Variants in WDR27 observed in about 807,000 individuals in gnomAD.
The protein encoded by WDR27 is WD repeat-containing protein 27.
WDR27 carries 100 observed loss-of-function variants against 114.4 expected under a neutral mutation model. That is an observed-to-expected ratio of 0.87 (90% CI 0.74 to 1.03). The LOEUF (loss-of-function observed/expected upper bound fraction) is 1.03, where lower values mean the gene tolerates loss of function less well. Ranked by LOEUF, WDR27 falls within the 50% of genes least tolerant of loss-of-function variation. The pLI is 0.00. For missense variants in WDR27, 1,129 were observed against 1,092.9 expected (o/e 1.03, Z -0.47); for synonymous variants, 449 against 423.1 (o/e 1.06, Z -0.75).
intron 25 of WDR27, among the ~76,000 whole-genome samples, chr6:169,487,311 C>T (rs1303428187): frequency 6.6e-6 from 1 of 152,210 alleles, no homozygotes; most frequent in Non-Finnish European, 1.5e-5. Context: ...GTCTCCTCCA[C>T]TTTGATCTGA....
chr6:169,560,155 C>T (rs576361575), intron 25 of WDR27, among the ~76,000 whole-genome samples: 4 of 152,132 alleles, frequency 2.6e-5, no homozygotes, highest in Non-Finnish European at 2.9e-5. Context: ...AACTGAATCA[C>T]GGGAGCCTGT....
the WDR27 span, among the ~76,000 whole-genome samples, chr6:169,442,697 T>A: frequency 6.6e-6 from 1 of 152,106 alleles, no homozygotes; most frequent in Non-Finnish European, 1.5e-5. Flanking sequence ...AGTGGGCACA[T>A]AACCGAGTGG....
chr6:169,580,056 C>A, intron 24 of WDR27, among the ~76,000 whole-genome samples: 1 of 152,354 alleles, frequency 6.6e-6, no homozygotes, highest in African/African-American at 2.4e-5. Flanking sequence ...AGCATTCTCT[C>A]ATTACCAGAT....
At chr6:169,599,701 C>T (rs190833363) in intron 23 of WDR27, among the ~76,000 whole-genome samples, 18 of 152,176 alleles carry the variant, frequency 1.2e-4, no homozygotes, top group Admixed American at 8.5e-4. Flanking sequence ...TTGATCTTTT[C>T]AAAAAACCGG....
chr6:169,694,347 G>A lies in WDR27; in HGVS notation c.-7-5335C>T, dbSNP rs368074234. The stretch of plus-strand genomic sequence containing the variant: ...ATAAATAAATAAGTCATCAACGCAC[G>A]CACACAGAAACATTTCCACATACAC... On this transcript the variant is annotated intron_variant, in intron 1 of 25. Transcript: ENST00000448612. 2.4e-4 allele frequency among the ~76,000 whole-genome samples: 36 copies of A among 152,140 alleles called. No homozygotes were observed. In the South Asian group the frequency reaches 4.0e-3, roughly 17 times the overall value.
At chr6:169,568,760 TG>T (rs1447150946) in intron 25 of WDR27, among the ~76,000 whole-genome samples, 2 of 152,228 alleles carry the variant, frequency 1.3e-5, no homozygotes, top group Non-Finnish European at 2.9e-5. Flanking sequence ...ATGCAACACC[TG>T]ATAGAGGCTC....
At position 169,568,708 on chromosome 6, in the gene WDR27, C is replaced by T. The variant is rs377717940; in HGVS notation, c.2645+3711G>A. Among the ~76,000 whole-genome samples the T allele has an allele frequency of 1.4e-4, 21 of 152,326 alleles. No individual in the cohort carries two copies. In the South Asian group the frequency reaches 1.9e-3, roughly 14 times the overall value. ...CATATTCTTGAAGGACAGATGGAAA[C>T]GGATGGATTGATGACCTCACAGTCT... On this transcript the variant is annotated intron_variant, in intron 25 of 25. Coordinates refer to ENST00000448612, the MANE Select transcript of WDR27 (RefSeq NM_182552.5).
chr6:169,551,872 T>C (rs1798185772), intron 25 of WDR27, among the ~76,000 whole-genome samples: 1 of 152,218 alleles, frequency 6.6e-6, no homozygotes, highest in Non-Finnish European at 1.5e-5. Context: ...GCTGCTATTC[T>C]GAACGCAGTC....
In WDR27 at chr6:169,545,832, A is replaced by G. The variant is rs1020968741; in HGVS notation, c.2645+26587T>C. On this transcript the variant is annotated intron_variant, in intron 25 of 25. Coordinates refer to ENST00000448612, the MANE Select transcript of WDR27 (RefSeq NM_182552.5). ...ATACTTTCTATATATGCACACATAC[A>G]TATAAATTTTATGATACATAGTAAT... Among the ~76,000 whole-genome samples, 13 of 152,362 alleles carry G rather than the reference A, an allele frequency of 8.5e-5. No homozygotes were observed. The East Asian group carries it at 2.3e-3, about 27-fold the overall frequency.
chr6:169,452,508 A>G (rs189043192), downstream of WDR27, among the ~76,000 whole-genome samples: 21 of 10,730 alleles, frequency 2.0e-3, no homozygotes, highest in Admixed American at 4.5e-3. Context: ...GTCAGAGAGG[A>G]GCCGTGCGTG....
chr6:169,487,512 C>T (rs886108336), intron 25 of WDR27, among the ~76,000 whole-genome samples: 1 of 152,190 alleles, frequency 6.6e-6, no homozygotes, highest in East Asian at 1.9e-4. Flanking sequence ...ATTACAGAGT[C>T]GAGGCGCTTG....
rs753772610 is a variant in WDR27 at position 169,613,532 on chromosome 6, G to A, written c.2321+27C>T. On this transcript the variant is annotated intron_variant, in intron 22 of 25. Transcript: ENST00000448612. ...TATATCTCTTGAGCTCCCCACCCCT[G>A]CAGTGCAGGGCGCAGGACAGCCTTA... The A allele has an allele frequency of 2.5e-6, 4 of 1,580,628 alleles. No individual in the cohort carries two copies. In the East Asian group the frequency reaches 9.0e-5, roughly 35 times the overall value.
intron 1 of WDR27, among the ~76,000 whole-genome samples, chr6:169,690,023 A>C (rs937126933): frequency 6.6e-6 from 1 of 152,064 alleles, no homozygotes; most frequent in African/African-American, 2.4e-5. Context: ...GTGAATTCAG[A>C]GGATCCACCC....
chr6:169,471,597 G>C (rs1451055209), intron 25 of WDR27, among the ~76,000 whole-genome samples: 1 of 152,120 alleles, frequency 6.6e-6, no homozygotes, highest in African/African-American at 2.4e-5. Flanking sequence ...CCATAGAAAA[G>C]AACCACAGTG....
intron 1 of WDR27, among the ~76,000 whole-genome samples, chr6:169,695,417 A>T (rs1785642138): frequency 6.6e-6 from 1 of 152,206 alleles, no homozygotes; most frequent in Non-Finnish European, 1.5e-5. Flanking sequence ...AAATGCTGAA[A>T]CATCAACTGT....
intron 24 of WDR27, among the ~76,000 whole-genome samples, chr6:169,579,453 G>A (rs1290910287): frequency 2.6e-5 from 4 of 152,190 alleles, no homozygotes; most frequent in Admixed American, 2.0e-4. Flanking sequence ...AGCAAGGCTT[G>A]TTTCCAGAGC....
intron 21 of WDR27, among the ~76,000 whole-genome samples, chr6:169,619,366 C>T (rs774537865): frequency 1.3e-5 from 2 of 152,130 alleles, no homozygotes; most frequent in African/African-American, 2.4e-5. Flanking sequence ...ATATCCTATG[C>T]GCCTCTTGTC....
intron 1 of WDR27, among the ~76,000 whole-genome samples, chr6:169,690,856 G>T (rs1268550580): frequency 3.3e-5 from 5 of 152,134 alleles, no homozygotes; most frequent in African/African-American, 1.2e-4. Context: ...TGTGCAGGGG[G>T]GAGCAGAATT....
At chr6:169,432,397 G>A in the WDR27 span, among the ~76,000 whole-genome samples, 5 of 152,126 alleles carry the variant, frequency 3.3e-5, no homozygotes, top group African/African-American at 1.2e-4. Flanking sequence ...GATAGGGTTT[G>A]GCTGTGTCCC....
Sources: allele counts gnomAD v4.1 joint callset (sites outside exome capture counted in the v4.1 genomes callset), GRCh38; gene constraint gnomAD v4.1.1; transcripts MANE v1.5; gene names NCBI Gene and HGNC (gene_info 2026-07-23, HGNC 2026-07-21).